ANOS1: variants seen among roughly 807,000 people sequenced by gnomAD.
The protein encoded by ANOS1 is anosmin-1.
ANOS1 carries 6 observed loss-of-function variants against 59.0 expected under a neutral mutation model. The observed-to-expected ratio is 0.10, with a 90% confidence interval of 0.06 to 0.20. The LOEUF is 0.20. Ranked by LOEUF, ANOS1 falls within the 10% of genes least tolerant of loss-of-function variation. The pLI, the probability that ANOS1 is intolerant of heterozygous loss-of-function variation, is 1.00. For missense variants in ANOS1, 433 were observed against 542.3 expected (o/e 0.80, Z 2.00); for synonymous variants, 217 against 223.4 (o/e 0.97, Z 0.25).
chrX:8,636,487 T>C (rs1042077860), intron 2 of ANOS1, among the ~76,000 whole-genome samples: 2 of 112,300 alleles, frequency 1.8e-5, no homozygotes, highest in Admixed American at 1.9e-4. Flanking sequence ...TGGCTTATTG[T>C]TTCCAATAAA....
At chrX:8,561,188 C>A (rs752441061) in intron 8 of ANOS1, among the ~76,000 whole-genome samples, 2 of 112,495 alleles carry the variant, frequency 1.8e-5, no homozygotes, top group Admixed American at 9.4e-5. Context: ...TCCAACGGAC[C>A]AGATGAAAGG....
intron 6 of ANOS1, among the ~76,000 whole-genome samples, chrX:8,574,781 T>C (rs756799152): frequency 1.8e-5 from 2 of 111,583 alleles, no homozygotes; most frequent in Non-Finnish European, 3.8e-5. Flanking sequence ...TGGCCTATTG[T>C]GGGAACTCAT....
At chrX:8,614,791 C>G (rs1345179431) in intron 3 of ANOS1, among the ~76,000 whole-genome samples, 1 of 105,258 alleles carries the variant, frequency 9.5e-6, no homozygotes, top group Non-Finnish European at 1.9e-5. Context: ...CAGTCTTGGT[C>G]CCATAAATTT....
At chrX:8,677,152 A>T (rs1214213714) in intron 2 of ANOS1, among the ~76,000 whole-genome samples, 2 of 111,220 alleles carry the variant, frequency 1.8e-5, no homozygotes, top group African/African-American at 6.6e-5. Flanking sequence ...GCCACTGTTG[A>T]CATATTGGGC....
chrX:8,731,909 C>G lies in ANOS1; in HGVS notation c.128G>C (p.Ser43Thr). ...RRLDESLSAG[S>T]VQRARCASRC... ...GGAGGCGCAGCGAGCGCGCTGGACGCTCCCGGCAGACAGCGACTCGTCCAG... is the reference window on the plus strand; with the variant it reads ...GGAGGCGCAGCGAGCGCGCTGGACGGTCCCGGCAGACAGCGACTCGTCCAG... The change falls in exon 1 of 14, where the codon AGC (serine) becomes ACC (threonine). Residue 43 changes from serine to threonine, a missense_variant. By Grantham distance (58) the Ser-to-Thr change is moderately conservative (BLOSUM62 1). Coordinates refer to ENST00000262648, the MANE Select transcript of ANOS1 (RefSeq NM_000216.4). 1.7e-6 allele frequency: 2 copies of G among 1,176,952 alleles called. No individual in the cohort carries two copies. Among genetic ancestry groups the G allele is most frequent in the African/African-American group, 1.8e-5 (1 of 54,851 alleles).
intron 2 of ANOS1, among the ~76,000 whole-genome samples, chrX:8,675,444 T>C (rs1316841579): frequency 3.6e-5 from 4 of 111,517 alleles, no homozygotes; most frequent in Admixed American, 2.9e-4. Flanking sequence ...CGTGGCAGTG[T>C]GCAAAGACAG....
intron 2 of ANOS1, among the ~76,000 whole-genome samples, chrX:8,667,772 G>C (rs1166457172): frequency 9.0e-6 from 1 of 111,188 alleles, no homozygotes; most frequent in East Asian, 2.8e-4. Context: ...GAAAGGAGTA[G>C]TGTGTTTTTA....
intron 2 of ANOS1, among the ~76,000 whole-genome samples, chrX:8,656,054 G>A (rs751474360): frequency 8.9e-6 from 1 of 112,212 alleles, no homozygotes; most frequent in African/African-American, 3.2e-5. Flanking sequence ...GCCTTGCCAA[G>A]GGTAGCAGCC....
At chrX:8,674,730 G>A (rs1020173408) in intron 2 of ANOS1, among the ~76,000 whole-genome samples, 2 of 112,394 alleles carry the variant, frequency 1.8e-5, no homozygotes, top group Non-Finnish European at 3.8e-5. Flanking sequence ...AAGATCTTAG[G>A]GAAACAGAAG....
intron 3 of ANOS1, among the ~76,000 whole-genome samples, chrX:8,599,303 G>A (rs1464999016): frequency 8.9e-6 from 1 of 111,828 alleles, no homozygotes; most frequent in East Asian, 2.8e-4. Context: ...AACAGGGTTA[G>A]GAATATAAGA....
chrX:8,692,393 C>A (rs1193388865), intron 2 of ANOS1, among the ~76,000 whole-genome samples: 5 of 110,676 alleles, frequency 4.5e-5, no homozygotes, highest in Non-Finnish European at 9.4e-5. Context: ...TTTTAGAAGT[C>A]ATTTGCTAAC....
chrX:8,556,128 C>A (rs1929944973), intron 8 of ANOS1, among the ~76,000 whole-genome samples: 1 of 112,024 alleles, frequency 8.9e-6, no homozygotes, highest in Non-Finnish European at 1.9e-5. Flanking sequence ...TAAAATTCAG[C>A]ACCGCTTCAT....
intron 2 of ANOS1, among the ~76,000 whole-genome samples, chrX:8,686,552 T>C (rs1159804637): frequency 8.9e-6 from 1 of 112,220 alleles, no homozygotes; most frequent in Admixed American, 9.5e-5. Flanking sequence ...TAAAGACCAA[T>C]TGTAAGAGGA....
intron 3 of ANOS1, among the ~76,000 whole-genome samples, chrX:8,604,220 T>C (rs1304416564): frequency 1.8e-5 from 2 of 111,604 alleles, no homozygotes; most frequent in African/African-American, 6.5e-5. Flanking sequence ...GCTCACCCAG[T>C]GGCTCTCAGC....
rs199927471 is a variant in ANOS1, at chrX:8,725,741, GAT to G, written c.207+6087_207+6088del. On this transcript the variant is annotated intron_variant, in intron 1 of 13. Coordinates refer to ENST00000262648, the MANE Select transcript of ANOS1 (RefSeq NM_000216.4). ...ATATATATACAGATATATATATACAGATATATATATATACAGATATATATATT... is the reference window on the plus strand; with the variant it reads ...ATATATATACAGATATATATATACAGATATATATATACAGATATATATATT... Among the ~76,000 whole-genome samples, 22 of 22,930 alleles carry G rather than the reference GAT, an allele frequency of 9.6e-4. 1 individual carries two copies. The highest frequency in any genetic ancestry group is 5.4e-3 in the African/African-American group (13 of 2,386). 19.9% of individuals were successfully genotyped at this position (22,930 alleles called of 115,157 possible).
rs184506773 is a variant in ANOS1, at chrX:8,724,710, C to T, written c.207+7120G>A. Among the ~76,000 whole-genome samples the T allele has an allele frequency of 3.6e-5, 4 of 111,984 alleles. No homozygotes were observed. The East Asian group carries it at 1.1e-3, about 31-fold the overall frequency. The stretch of plus-strand genomic sequence containing the variant: ...AGAGGCAAGAGGTCAACAACTGCAT[C>T]GACTGGAGAAGGAATTGGTGTATAT... On this transcript the variant is annotated intron_variant, in intron 1 of 13. Coordinates refer to ENST00000262648, the MANE Select transcript of ANOS1 (RefSeq NM_000216.4).
chrX:8,535,297 C>T, intron 12 of ANOS1: 1 of 335,023 alleles, frequency 3.0e-6, no homozygotes. Flanking sequence ...ATGAGGTTAA[C>T]AAAGATAGAA....
At chrX:8,612,888 A>G (rs1315857673) in intron 3 of ANOS1, among the ~76,000 whole-genome samples, 1 of 105,535 alleles carries the variant, frequency 9.5e-6, no homozygotes, top group Non-Finnish European at 2.0e-5. Flanking sequence ...GTAAATAAAT[A>G]AACTTTAAGC....
At chrX:8,579,038 A>G (rs1930378278) in intron 6 of ANOS1, among the ~76,000 whole-genome samples, 1 of 112,516 alleles carries the variant, frequency 8.9e-6, no homozygotes, top group Admixed American at 9.4e-5. Context: ...TATATTTCCA[A>G]TCCTAAGCAT....
Sources: gnomAD v4.1 joint callset for allele counts (sites outside exome capture counted in the v4.1 genomes callset) on GRCh38, gnomAD v4.1.1 for gene constraint, MANE v1.5 for transcripts, NCBI Gene and HGNC (gene_info 2026-07-23, HGNC 2026-07-21) for gene names.